The following TAFA5 variants were observed in gnomAD, a reference collection of about 807,000 sequenced individuals.
The protein encoded by TAFA5 is TAFA chemokine like family member 5.
A neutral mutation model predicts 15.3 loss-of-function variants in TAFA5; 6 were observed. The ratio of observed to expected loss-of-function variants is 0.39; its 90% CI spans 0.21 to 0.77. TAFA5 has a LOEUF of 0.77. TAFA5 is among the 30% of genes least tolerant of loss of function. The pLI, the probability that TAFA5 is intolerant of heterozygous loss-of-function variation, is 0.41. For missense variants in TAFA5, 161 were observed against 193.1 expected (o/e 0.83, Z 0.98); for synonymous variants, 103 against 80.7 (o/e 1.28, Z -1.48).
At chr22:48,735,181 C>T (rs1173663215) in intron 3 of TAFA5, among the ~76,000 whole-genome samples, 2 of 152,206 alleles carry the variant, frequency 1.3e-5, no homozygotes, top group Non-Finnish European at 2.9e-5. Flanking sequence ...CTGAAGACCA[C>T]CCACGAGCCA....
intron 2 of TAFA5, among the ~76,000 whole-genome samples, chr22:48,685,595 G>A (rs748814481): frequency 3.3e-5 from 5 of 152,042 alleles, no homozygotes; most frequent in Non-Finnish European, 5.9e-5. Flanking sequence ...GCTGGTCAGT[G>A]GGGCCTAAAC....
intron 1 of TAFA5, among the ~76,000 whole-genome samples, chr22:48,602,060 T>A (rs1924994205): frequency 6.6e-6 from 1 of 152,116 alleles, no homozygotes; most frequent in Admixed American, 6.5e-5. Context: ...GCACCAGCCT[T>A]CATCAAGGGC....
At chr22:48,690,567 C>T (rs1219994925) in intron 2 of TAFA5, among the ~76,000 whole-genome samples, 1 of 152,210 alleles carries the variant, frequency 6.6e-6, no homozygotes, top group Non-Finnish European at 1.5e-5. Context: ...CTCCTGCAGG[C>T]CCTTCCTGCC....
intron 1 of TAFA5, among the ~76,000 whole-genome samples, chr22:48,517,026 C>A (rs1216384496): frequency 6.6e-6 from 1 of 152,206 alleles, no homozygotes; most frequent in Non-Finnish European, 1.5e-5. Flanking sequence ...AGTGCAGCCA[C>A]CATGCTGTAC....
chr22:48,500,850 G>A (rs1343852496), intron 1 of TAFA5, among the ~76,000 whole-genome samples: 1 of 152,208 alleles, frequency 6.6e-6, no homozygotes, highest in African/African-American at 2.4e-5. Flanking sequence ...TGCTCGGGTA[G>A]GGCTGGTGCT....
At chr22:48,515,689 A>T (rs530930960) in intron 1 of TAFA5, among the ~76,000 whole-genome samples, 5 of 152,290 alleles carry the variant, frequency 3.3e-5, no homozygotes, top group Non-Finnish European at 4.4e-5. Context: ...CCAATGCCCA[A>T]TGCAAGCGGG....
Position 48,553,260 on chromosome 22 carries a change from G to A in TAFA5, c.112+63556G>A, listed in dbSNP as rs536439143. ...CTCCTGCCTGGCTCACTATGTCTCC[G>A]TGGAGGCCCCCATGCCCTGGCTCTG... On this transcript the variant is annotated intron_variant, in intron 1 of 3. Coordinates refer to ENST00000402357, the MANE Select transcript of TAFA5 (RefSeq NM_001082967.3). Among the ~76,000 whole-genome samples, 96 of 152,214 alleles carry A rather than the reference G, an allele frequency of 6.3e-4. 1 individual carries two copies. The highest frequency in any genetic ancestry group is 2.1e-3 in the African/African-American group (87 of 41,514).
chr22:48,657,320 A>G (rs1206653606), intron 2 of TAFA5, among the ~76,000 whole-genome samples: 2 of 152,348 alleles, frequency 1.3e-5, no homozygotes, highest in Middle Eastern at 3.4e-3. Context: ...AACTTCCAGA[A>G]CTAACTCTAG....
At chr22:48,749,552 G>A (rs1407071513) in intron 3 of TAFA5, among the ~76,000 whole-genome samples, 2 of 152,224 alleles carry the variant, frequency 1.3e-5, no homozygotes, top group Non-Finnish European at 2.9e-5. Context: ...CTGCATAGAG[G>A]AAGGAAGCCG....
At chr22:48,532,472 G>A (rs910888876) in intron 1 of TAFA5, among the ~76,000 whole-genome samples, 1 of 152,204 alleles carries the variant, frequency 6.6e-6, no homozygotes, top group African/African-American at 2.4e-5. Flanking sequence ...TGTGTCTTCA[G>A]GATAGTCTCT....
At chr22:48,561,033 G>A (rs1349556104) in intron 1 of TAFA5, among the ~76,000 whole-genome samples, 1 of 152,174 alleles carries the variant, frequency 6.6e-6, no homozygotes, top group Admixed American at 6.5e-5. Context: ...ATTTGTCTGG[G>A]TCTGGCTGTG....
At chr22:48,521,138 C>T (rs1921587181) in intron 1 of TAFA5, among the ~76,000 whole-genome samples, 1 of 152,216 alleles carries the variant, frequency 6.6e-6, no homozygotes, top group Non-Finnish European at 1.5e-5. Context: ...TGTGAATGGG[C>T]TTCCTCTGGC....
chr22:48,635,285 A>G (rs1926404325), intron 1 of TAFA5, among the ~76,000 whole-genome samples: 1 of 152,104 alleles, frequency 6.6e-6, no homozygotes, highest in African/African-American at 2.4e-5. Context: ...GGTGGAGGGC[A>G]CAGCTGCGAG....
At chr22:48,646,815 G>A in intron 2 of TAFA5, 69 bp downstream of exon 2, 1 of 1,498,510 alleles carries the variant, frequency 6.7e-7, no homozygotes, top group Non-Finnish European at 8.9e-7. Flanking sequence ...CCTCTTCCCT[G>A]ACGCGGCCCC....
chr22:48,718,537 C>T (rs1204066694), intron 3 of TAFA5, among the ~76,000 whole-genome samples: 1 of 152,096 alleles, frequency 6.6e-6, no homozygotes, highest in East Asian at 1.9e-4. Context: ...CCTGTCCGAC[C>T]CCCATTAGGA....
intron 3 of TAFA5, among the ~76,000 whole-genome samples, chr22:48,734,790 A>C (rs1929961690): frequency 6.6e-6 from 1 of 152,232 alleles, no homozygotes; most frequent in Non-Finnish European, 1.5e-5. Flanking sequence ...ATCTCAAATC[A>C]GTGAGGATGG....
At chr22:48,646,039 C>T (rs765964780) in intron 1 of TAFA5, among the ~76,000 whole-genome samples, 3 of 152,162 alleles carry the variant, frequency 2.0e-5, no homozygotes, top group Admixed American at 6.5e-5. Flanking sequence ...CAGTGGTGCC[C>T]GCCTGCTCGT....
At chr22:48,567,428 C>G (rs981577632) in intron 1 of TAFA5, among the ~76,000 whole-genome samples, 2 of 152,310 alleles carry the variant, frequency 1.3e-5, no homozygotes, top group East Asian at 3.9e-4. Context: ...ATCTATTAAG[C>G]CCAGCGAAAG....
intron 1 of TAFA5, among the ~76,000 whole-genome samples, chr22:48,571,582 T>TTTTTTTTTTTG (rs1923591441): frequency 7.7e-6 from 1 of 129,578 alleles, no homozygotes; most frequent in South Asian, 2.5e-4. Flanking sequence ...CTGTTTTTTT[T>TTTTTTTTTTTG]TTTTTTTTTT....
Sources: allele counts gnomAD v4.1 joint callset (sites outside exome capture counted in the v4.1 genomes callset), GRCh38; gene constraint gnomAD v4.1.1; transcripts MANE v1.5; gene names NCBI Gene and HGNC (gene_info 2026-07-23, HGNC 2026-07-21).